Variants in KMT2C observed in about 807,000 individuals in gnomAD.
KMT2C encodes lysine methyltransferase 2C, also known as histone-lysine N-methyltransferase 2C.
In KMT2C, 88 loss-of-function variants were observed where a neutral mutation model predicts 507.9. The observed-to-expected ratio is 0.17, with a 90% CI of 0.15 to 0.21. The LOEUF (loss-of-function observed/expected upper bound fraction) is 0.21, where lower values mean the gene tolerates loss of function less well. KMT2C is among the 10% of genes least tolerant of loss of function. The pLI is 1.00. For synonymous variants in KMT2C, 2,049 were observed against 2,080.8 expected (o/e 0.98, Z 0.42); for missense variants, 4,954 against 5,957.8 (o/e 0.83, Z 5.55).
chr7:152,176,330 A>G lies in KMT2C; in HGVS notation c.9123T>C (p.Asn3041=), dbSNP rs2129112843. ...LMIPQTLAQQ[N]RERPLLLEEQ... is the part of the protein sequence containing the mutation. ...CTTCTAGAAGAAGGGGCCTCTCTCTATTCTGCTGTGCTAATGTTTGAGGAA... is the reference window on the plus strand; with the variant it reads ...CTTCTAGAAGAAGGGGCCTCTCTCTGTTCTGCTGTGCTAATGTTTGAGGAA... The change falls in exon 38 of 59, where the codon AAT becomes AAC. Residue 3041 remains asparagine, a synonymous_variant. Transcript: ENST00000262189. 1 of 1,614,064 alleles carries G rather than the reference A, an allele frequency of 6.2e-7. No homozygotes were observed. Among genetic ancestry groups the G allele is most frequent in the Non-Finnish European group, 8.5e-7 (1 of 1,180,014 alleles).
At position 152,139,222 on chromosome 7, in the gene KMT2C, T is replaced by C; in HGVS notation, c.14498A>G (p.His4833Arg). ...GVYMFRMDND[H>R]VIDATLTGGP... ...TCCTGTGAGCGTCGCGTCAATCACA[T>C]GGTCGTTATCCATGCGGAACATGTA... Residue 4833 changes from histidine (H) to arginine (R), a missense_variant, in exon 57 of 59, where the codon CAT becomes CGT. His to Arg is a conservative substitution (Grantham distance 29). Around this residue, in one of 29 missense-constraint regions of KMT2C, gnomAD observed 133 missense variants for 258.9 expected, o/e 0.51. Coordinates refer to ENST00000262189, the MANE Select transcript of KMT2C (RefSeq NM_170606.3). 6.2e-7 allele frequency: 1 copy of C among 1,614,018 alleles called. No homozygotes were observed. Among genetic ancestry groups the C allele is most frequent in the Non-Finnish European group, 8.5e-7 (1 of 1,180,042 alleles).
At chr7:152,347,388 C>T (rs2097070067) in intron 2 of KMT2C, among the ~76,000 whole-genome samples, 4 of 152,310 alleles carry the variant, frequency 2.6e-5, no homozygotes, top group African/African-American at 9.6e-5. Flanking sequence ...CAATTTATAG[C>T]ACTGCACTGA....
chr7:152,419,203 T>G (rs559756393), intron 1 of KMT2C, among the ~76,000 whole-genome samples: 1 of 151,674 alleles, frequency 6.6e-6, no homozygotes, highest in Non-Finnish European at 1.5e-5. Flanking sequence ...TACAAAAAAT[T>G]AGCCGGGCAT....
intron 1 of KMT2C, among the ~76,000 whole-genome samples, chr7:152,362,015 G>A (rs570718390): frequency 1.3e-5 from 2 of 152,050 alleles, no homozygotes; most frequent in South Asian, 4.2e-4. Flanking sequence ...AAACACAGTG[G>A]ATACAGAAAT....
At chr7:152,397,592 G>T (rs965419036) in intron 1 of KMT2C, among the ~76,000 whole-genome samples, 9 of 152,042 alleles carry the variant, frequency 5.9e-5, no homozygotes, top group African/African-American at 2.2e-4. Flanking sequence ...AGGATCCCTT[G>T]AGTATAACAC....
chr7:152,360,880 C>A (rs1460472290), intron 1 of KMT2C, among the ~76,000 whole-genome samples: 1 of 151,130 alleles, frequency 6.6e-6, no homozygotes, highest in Non-Finnish European at 1.5e-5. Context: ...GTAATCAAAG[C>A]CTAAATGGTT....
intron 1 of KMT2C, among the ~76,000 whole-genome samples, chr7:152,374,834 G>A (rs2097316212): frequency 6.8e-6 from 1 of 147,410 alleles, no homozygotes. Flanking sequence ...AGTGAGCCGA[G>A]ATCGCAGCAT....
intron 1 of KMT2C, among the ~76,000 whole-genome samples, chr7:152,379,288 C>G (rs570323215): frequency 6.6e-6 from 1 of 152,218 alleles, no homozygotes; most frequent in Admixed American, 6.5e-5. Context: ...TGCCTGTATT[C>G]CCAGCACTTC....
In KMT2C at chr7:152,182,228, A is replaced by C. The variant is rs749857962; in HGVS notation, c.5632T>G (p.Ser1878Ala). 6.2e-7 allele frequency: 1 copy of C among 1,614,026 alleles called. No homozygotes were observed. The highest frequency in any genetic ancestry group is 1.1e-5 in the South Asian group (1 of 91,046). ...LSQAQTSQPP[S>A]PQVFSPGSSN... ...GACCCAGGTGAAAACACTTGCGGTG[A>C]GGGTGGCTGAGAAGTCTGAGCCTGA... Residue 1878 changes from serine to alanine, a missense_variant, in exon 36 of 59, where the codon TCA becomes GCA. By Grantham distance (99) the Ser-to-Ala change is moderately conservative. This residue lies in a region of KMT2C where 1,689 missense variants were observed against 1,654.3 expected (regional missense o/e 1.02). Coordinates refer to ENST00000262189, the MANE Select transcript of KMT2C (RefSeq NM_170606.3).
intron 23 of KMT2C, among the ~76,000 whole-genome samples, chr7:152,211,751 A>C (rs1380594967): frequency 6.6e-6 from 1 of 152,220 alleles, no homozygotes; most frequent in Non-Finnish European, 1.5e-5. Flanking sequence ...GCTGAAATAA[A>C]GAAAAAGACC....
intron 1 of KMT2C, among the ~76,000 whole-genome samples, chr7:152,392,210 C>G (rs1216630364): frequency 6.6e-6 from 1 of 152,146 alleles, no homozygotes; most frequent in South Asian, 2.1e-4. Context: ...CCCTACCCCC[C>G]ACAACCCTAC....
Position 152,385,341 on chromosome 7 carries a change from G to A in KMT2C, c.162-26666C>T, listed in dbSNP as rs1271330880. 5.0e-5 allele frequency among the ~76,000 whole-genome samples: 6 copies of A among 120,170 alleles called. 1 individual carries two copies. Among genetic ancestry groups the A allele is most frequent in the African/African-American group, 1.2e-4 (2 of 16,354 alleles). The allele number at this position is 120,170 out of a possible 152,430, so 78.8% of individuals were successfully genotyped here. On this transcript the variant is annotated intron_variant, in intron 1 of 58. Transcript: ENST00000262189. ...AAATTGAGACGTGTTGGCCGGGCGCGGTGGCTCACGCCTGTAATCCCAGCA... is the reference window on the plus strand; with the variant it reads ...AAATTGAGACGTGTTGGCCGGGCGCAGTGGCTCACGCCTGTAATCCCAGCA...
At chr7:152,390,973 C>T (rs1288507472) in intron 1 of KMT2C, among the ~76,000 whole-genome samples, 1 of 151,502 alleles carries the variant, frequency 6.6e-6, no homozygotes, top group African/African-American at 2.4e-5. Flanking sequence ...GGTGAAACCC[C>T]GTCTCTACTA....
chr7:152,383,414 TATC>T (rs1432153443), intron 1 of KMT2C, among the ~76,000 whole-genome samples: 2 of 152,238 alleles, frequency 1.3e-5, no homozygotes, highest in African/African-American at 4.8e-5. Context: ...AAACAGTATT[TATC>T]ATCAACTATG....
intron 1 of KMT2C, among the ~76,000 whole-genome samples, chr7:152,365,550 CTTT>C (rs1393563433): frequency 1.3e-5 from 2 of 152,254 alleles, no homozygotes; most frequent in African/African-American, 4.8e-5. Flanking sequence ...AAACTTCCTC[CTTT>C]TTTCTTTTCT....
At chr7:152,245,972 G>A (rs2095466057) in intron 14 of KMT2C, among the ~76,000 whole-genome samples, 1 of 152,092 alleles carries the variant, frequency 6.6e-6, no homozygotes, top group Non-Finnish European at 1.5e-5. Context: ...TGAAGAATAT[G>A]TAGAAGAAAC....
rs2090998215 is a variant in KMT2C at position 152,145,375 on chromosome 7, C to G, written c.14032-80G>C. 2.1e-6 allele frequency: 3 copies of G among 1,409,690 alleles called. No homozygotes were observed. In the African/African-American group the frequency reaches 4.3e-5, roughly 20 times the overall value. 87.3% of individuals were successfully genotyped at this position (1,409,690 alleles called of 1,614,324 possible). A position where few individuals can be genotyped will look rare whatever the true frequency, so the allele number is the denominator to read the frequency against. ...AATCTCAAGCTGGTCAAAGGATGGC[C>G]CACGACAGAAATAACTCATCAGCGT... On this transcript the variant is annotated intron_variant, in intron 53 of 58. Transcript: ENST00000262189.
intron 2 of KMT2C, among the ~76,000 whole-genome samples, chr7:152,340,494 T>C (rs943070446): frequency 6.6e-6 from 1 of 152,196 alleles, no homozygotes; most frequent in Non-Finnish European, 1.5e-5. Context: ...GTGTATCCAA[T>C]GTCATCAAAA....
chr7:152,299,322 AT>A (rs1195609454), intron 6 of KMT2C, among the ~76,000 whole-genome samples: 16 of 120,726 alleles, frequency 1.3e-4, no homozygotes, highest in African/African-American at 5.2e-4. Context: ...ATCTCAAAAA[AT>A]AAATAAATAA....
Sources: gnomAD v4.1 joint callset for allele counts (sites outside exome capture counted in the v4.1 genomes callset) on GRCh38, gnomAD v4.1.1 for gene constraint, gnomAD v4.1.1 regional missense constraint, MANE v1.5 for transcripts, NCBI Gene and HGNC (gene_info 2026-07-23, HGNC 2026-07-21) for gene names.